Variants in PCM1 observed in about 807,000 individuals in gnomAD.
PCM1 encodes pericentriolar material 1 protein.
Under a neutral mutation model 241.9 loss-of-function variants are expected in PCM1, and 157 were observed. The ratio of observed to expected loss-of-function variants is 0.65; its 90% CI spans 0.57 to 0.74. The LOEUF is 0.74. Ranked by LOEUF, PCM1 falls within the 30% of genes least tolerant of loss-of-function variation. The pLI, the probability that PCM1 is intolerant of heterozygous loss-of-function variation, is 0.00. For synonymous variants in PCM1, 1,085 were observed against 784.9 expected, an observed-to-expected ratio of 1.38 and a Z score of -6.39; for missense variants, 3,478 against 2,360.1, an observed-to-expected ratio of 1.47 and a Z score of -9.81.
chr8:18,017,606 C>T (rs2093348322), intron 36 of PCM1, among the ~76,000 whole-genome samples: 1 of 152,176 alleles, frequency 6.6e-6, no homozygotes. Context: ...GTAATCCCAG[C>T]CCTTTGGGAG....
chr8:17,953,254 T>G, intron 9 of PCM1, 68 bp downstream of exon 9: 1 of 749,624 alleles, frequency 1.3e-6, no homozygotes, highest in Non-Finnish European at 2.1e-6. Context: ...ACATAATAAA[T>G]TTAGTATTTG....
chr8:17,932,628 AT>A lies in PCM1; in HGVS notation c.-22-2952del, dbSNP rs201506038. ...TAACTATACTTAGTATTTCTTTGAG[AT>A]TTTTTTTTCTCCCAAGCTCTCATTT... On this transcript the variant is annotated intron_variant, in intron 2 of 38. Coordinates refer to ENST00000325083, the MANE Select transcript of PCM1 (RefSeq NM_006197.4). Among the ~76,000 whole-genome samples the A allele has an allele frequency of 9.3e-5, 14 of 151,148 alleles. No homozygotes were observed. The East Asian group carries it at 1.9e-3, about 21-fold the overall frequency.
intron 36 of PCM1, among the ~76,000 whole-genome samples, chr8:18,023,911 A>G (rs1042684526): frequency 1.3e-5 from 2 of 152,128 alleles, no homozygotes; most frequent in African/African-American, 2.4e-5. Flanking sequence ...TTTCATCCCA[A>G]CTTCTGTGTC....
chr8:17,960,522 T>TTTTTTTC (rs1425869621), intron 15 of PCM1, 78 bp downstream of exon 15: 4 of 957,144 alleles, frequency 4.2e-6, no homozygotes, highest in Non-Finnish European at 6.0e-6. Flanking sequence ...CTCTTTTTTG[T>TTTTTTTC]TTTTGTTTTT....
chr8:18,018,922 CAT>C (rs1276351044), intron 36 of PCM1, among the ~76,000 whole-genome samples: 3 of 125,268 alleles, frequency 2.4e-5, no homozygotes, highest in East Asian at 5.0e-4. Context: ...AAATATATAA[CAT>C]ATAATATATA....
chr8:17,942,483 ATAAATT>A (rs2129451473), intron 6 of PCM1, among the ~76,000 whole-genome samples: 1 of 152,232 alleles, frequency 6.6e-6, no homozygotes, highest in East Asian at 1.9e-4. Flanking sequence ...ATAAAAATAA[ATAAATT>A]TAGATGGTAG....
At chr8:17,954,184 T>A (rs2067141016) in intron 9 of PCM1, among the ~76,000 whole-genome samples, 1 of 152,140 alleles carries the variant, frequency 6.6e-6, no homozygotes, top group South Asian at 2.1e-4. Context: ...TCCCAGCACC[T>A]TGGGAGGCTG....
intron 13 of PCM1, among the ~76,000 whole-genome samples, chr8:17,958,633 A>G (rs975235612): frequency 6.6e-6 from 1 of 152,202 alleles, no homozygotes; most frequent in African/African-American, 2.4e-5. Context: ...CTCAAGTTTT[A>G]TTAACAGTTT....
At chr8:17,950,856 C>T (rs1402376894) in intron 8 of PCM1, 132 bp downstream of exon 8, 10 of 627,730 alleles carry the variant, frequency 1.6e-5, no homozygotes, top group Non-Finnish European at 2.5e-5. Context: ...TTGGTGGGGT[C>T]CCCCCCACCT....
At chr8:17,974,152 G>T (rs3850747) in intron 23 of PCM1, among the ~76,000 whole-genome samples, 7,965 of 152,180 alleles carry the variant, frequency 0.052, 722 homozygotes, top group African/African-American at 0.18. Context: ...TAAAGGTTTA[G>T]GAGAAGCTGG....
At chr8:17,949,884 G>A (rs2065347527) in intron 7 of PCM1, among the ~76,000 whole-genome samples, 1 of 152,158 alleles carries the variant, frequency 6.6e-6, no homozygotes, top group Non-Finnish European at 1.5e-5. Flanking sequence ...CATGAAAATT[G>A]TTGTCACAAA....
chr8:17,955,921 C>T (rs745330243), intron 10 of PCM1: 3 of 446,122 alleles, frequency 6.7e-6, no homozygotes, highest in African/African-American at 2.0e-5. Flanking sequence ...TAAAATATTT[C>T]TATATTCAGA....
chr8:18,009,888 TA>T, intron 31 of PCM1, 144 bp downstream of exon 31: 1 of 486,730 alleles, frequency 2.1e-6, no homozygotes, highest in East Asian at 3.3e-5. Flanking sequence ...AGTCATTACA[TA>T]TGCTAGTCAC....
rs749428843 is a variant in PCM1 at position 17,993,490 on chromosome 8, C to A, written c.4698C>A (p.Pro1566=). ...TTTCTTTTTAAAAATTAGAAACTCC[C>A]GTTATTGAAAATCGTAGTTCACAAC... ...GTTVNNLEET[P]VIENRSSQQP... is the part of the protein sequence containing the mutation. Residue 1566 remains proline (P), a synonymous_variant, in exon 29 of 39, where the codon CCC becomes CCA. Coordinates refer to ENST00000325083, the MANE Select transcript of PCM1 (RefSeq NM_006197.4). 1 of 1,560,148 alleles carries A rather than the reference C, an allele frequency of 6.4e-7. No individual in the cohort carries two copies. Among genetic ancestry groups the A allele is most frequent in the Non-Finnish European group, 8.7e-7 (1 of 1,153,780 alleles).
chr8:18,005,378 G>A (rs544133401), intron 29 of PCM1, among the ~76,000 whole-genome samples: 17 of 145,318 alleles, frequency 1.2e-4, no homozygotes, highest in South Asian at 1.1e-3. Context: ...TTTTTAAATC[G>A]CCTGTCTTGA....
intron 36 of PCM1, among the ~76,000 whole-genome samples, chr8:18,016,420 A>C (rs2093204888): frequency 8.9e-6 from 1 of 112,346 alleles, no homozygotes; most frequent in Non-Finnish European, 2.3e-5. Context: ...AGAAATGGTT[A>C]CACTTTACCA....
At position 17,939,981 on chromosome 8, in the gene PCM1, A is replaced by G. The variant is rs1268631850; in HGVS notation, c.783+120A>G. On this transcript the variant is annotated intron_variant, in intron 6 of 38. Transcript: ENST00000325083. ...ATATTTTCAAAAAATCATGCCATCC[A>G]TTATAACAATTTATTGCCCATTTTA... 7.2e-6 allele frequency: 9 copies of G among 1,247,336 alleles called. No homozygotes were observed. The South Asian group carries it at 1.0e-4, about 14-fold the overall frequency. The allele number at this position is 1,247,336 out of a possible 1,614,324, so 77.3% of individuals were successfully genotyped here. A position where few individuals can be genotyped will look rare whatever the true frequency, so the allele number is the denominator to read the frequency against.
At chr8:17,975,685 T>C (rs890228487) in intron 23 of PCM1, among the ~76,000 whole-genome samples, 2 of 152,184 alleles carry the variant, frequency 1.3e-5, no homozygotes, top group Non-Finnish European at 2.9e-5. Flanking sequence ...CTTACTAGAC[T>C]GATCCAAATA....
chr8:17,958,871 A>G (rs1228910786), intron 13 of PCM1, among the ~76,000 whole-genome samples: 15 of 152,070 alleles, frequency 9.9e-5, no homozygotes, highest in Admixed American at 9.2e-4. Context: ...ACAGATGTGT[A>G]CCACCACACC....
Sources: allele counts gnomAD v4.1 joint callset (sites outside exome capture counted in the v4.1 genomes callset), GRCh38; gene constraint gnomAD v4.1.1; transcripts MANE v1.5; gene names NCBI Gene and HGNC (gene_info 2026-07-23, HGNC 2026-07-21).